Variants in SLC8A3 observed in about 807,000 individuals in gnomAD.
SLC8A3 encodes the protein solute carrier family 8 member A3, also known as sodium/calcium exchanger 3.
In SLC8A3, 37 loss-of-function variants were observed where a neutral mutation model predicts 65.4. The observed-to-expected ratio is 0.57, with a 90% confidence interval of 0.44 to 0.74. SLC8A3 has a LOEUF of 0.74. SLC8A3 is among the 30% of genes least tolerant of loss of function. The pLI, the probability that SLC8A3 is intolerant of heterozygous loss-of-function variation, is 0.00. For missense variants in SLC8A3, 1,112 were observed against 1,172.1 expected (o/e 0.95, Z 0.75); for synonymous variants, 461 against 444.5 (o/e 1.04, Z -0.47).
intron 2 of SLC8A3, among the ~76,000 whole-genome samples, chr14:70,129,488 A>C (rs1421959701): frequency 6.6e-6 from 1 of 152,190 alleles, no homozygotes; most frequent in Non-Finnish European, 1.5e-5. Context: ...TATTTTACAT[A>C]AGAGAAAAAC....
At chr14:70,183,612 A>G (rs1284160467) in intron 1 of SLC8A3, among the ~76,000 whole-genome samples, 2 of 152,240 alleles carry the variant, frequency 1.3e-5, no homozygotes, top group Non-Finnish European at 2.9e-5. Context: ...TTCAAAACAC[A>G]AATGGACAAC....
At chr14:70,186,358 G>A (rs1272154010) in intron 1 of SLC8A3, among the ~76,000 whole-genome samples, 3 of 152,138 alleles carry the variant, frequency 2.0e-5, no homozygotes, top group Non-Finnish European at 4.4e-5. Context: ...TGTGAGAACG[G>A]ACTAATACAG....
chr14:70,115,786 A>G (rs992129239), intron 2 of SLC8A3, among the ~76,000 whole-genome samples: 3 of 152,174 alleles, frequency 2.0e-5, no homozygotes, highest in African/African-American at 7.2e-5. Flanking sequence ...GACCTGGGGC[A>G]AGTTACCAAA....
chr14:70,161,973 A>T (rs1248411588), intron 2 of SLC8A3, among the ~76,000 whole-genome samples: 3 of 152,242 alleles, frequency 2.0e-5, no homozygotes, highest in Non-Finnish European at 4.4e-5. Flanking sequence ...TGCCTAAAAG[A>T]TGTTCCAACT....
At chr14:70,097,464 C>A (rs12878844) in intron 2 of SLC8A3, among the ~76,000 whole-genome samples, 1 of 152,138 alleles carries the variant, frequency 6.6e-6, no homozygotes, top group Non-Finnish European at 1.5e-5. Flanking sequence ...TTCTCAAATC[C>A]GGTTGTCTGG....
intron 2 of SLC8A3, among the ~76,000 whole-genome samples, chr14:70,095,568 C>T (rs932658551): frequency 1.7e-4 from 26 of 152,206 alleles, no homozygotes; most frequent in African/African-American, 4.8e-4. Context: ...TACTCCATTT[C>T]GCTGCCCTTT....
Position 70,168,199 on chromosome 14 carries a change from G to C in SLC8A3, c.224C>G (p.Ala75Gly). The change falls in exon 2 of 7, where the codon GCC becomes GGC. Residue 75 changes from alanine to glycine, a missense_variant. By Grantham distance (60) the Ala-to-Gly change is moderately conservative. Coordinates refer to ENST00000356921, the MANE Select transcript of SLC8A3 (RefSeq NM_182932.3). ...PENPSLGDKIARVIVYFVALI... is the reference protein window; with the variant it reads ...PENPSLGDKIGRVIVYFVALI... The stretch of plus-strand genomic sequence containing the variant: ...GGCCACAAAATAGACAATGACCCTG[G>C]CAATCTTGTCCCCAAGGGAAGGGTT... 2 of 1,614,116 alleles carry C rather than the reference G, an allele frequency of 1.2e-6. No individual in the cohort carries two copies. Among genetic ancestry groups the C allele is most frequent in the Non-Finnish European group, 1.7e-6 (2 of 1,179,996 alleles).
intron 1 of SLC8A3, among the ~76,000 whole-genome samples, chr14:70,172,065 C>A (rs945869946): frequency 3.9e-5 from 6 of 152,166 alleles, no homozygotes; most frequent in African/African-American, 1.4e-4. Flanking sequence ...AGCTCAACCC[C>A]TTAGAGACCC....
At chr14:70,159,148 C>T (rs1292863468) in intron 2 of SLC8A3, among the ~76,000 whole-genome samples, 1 of 152,144 alleles carries the variant, frequency 6.6e-6, no homozygotes, top group African/African-American at 2.4e-5. Context: ...GTGGTTCATA[C>T]CTGTAATCCC....
intron 2 of SLC8A3, among the ~76,000 whole-genome samples, chr14:70,153,459 G>A (rs1896393295): frequency 6.6e-6 from 1 of 152,124 alleles, no homozygotes. Context: ...GGAGGGGGTT[G>A]TGCAAGTCAC....
At chr14:70,105,755 G>A (rs1892827510) in intron 2 of SLC8A3, among the ~76,000 whole-genome samples, 1 of 152,032 alleles carries the variant, frequency 6.6e-6, no homozygotes, top group Non-Finnish European at 1.5e-5. Flanking sequence ...ACCTGACCTT[G>A]CTTTCTTAAA....
chr14:70,045,885 G>A lies in SLC8A3; in HGVS notation c.*62C>T, dbSNP rs1886701314. 1.4e-6 allele frequency: 2 copies of A among 1,449,256 alleles called. No individual in the cohort carries two copies. The highest frequency in any genetic ancestry group is 1.8e-6 in the Non-Finnish European group (2 of 1,084,142). The allele number at this position is 1,449,256 out of a possible 1,614,324, so 89.8% of individuals were successfully genotyped here. ...TGCAGTCGGGAGAGATCACTGGTGG[G>A]GAAGTGCCCTTCTCTTAGGAGAAGT... On this transcript the variant is annotated 3_prime_UTR_variant, in exon 7 of 7. Coordinates refer to ENST00000356921, the MANE Select transcript of SLC8A3 (RefSeq NM_182932.3).
At chr14:70,151,209 G>A (rs1226940123) in intron 2 of SLC8A3, among the ~76,000 whole-genome samples, 5 of 151,322 alleles carry the variant, frequency 3.3e-5, no homozygotes, top group Non-Finnish European at 7.4e-5. Flanking sequence ...AGCCGAGATC[G>A]TGCCACTGCA....
chr14:70,185,366 G>A (rs1237728984), intron 1 of SLC8A3, among the ~76,000 whole-genome samples: 1 of 152,226 alleles, frequency 6.6e-6, no homozygotes, highest in Non-Finnish European at 1.5e-5. Flanking sequence ...GAATCATGCA[G>A]GCTGGGGAAC....
chr14:70,153,248 AG>A (rs1162485932), intron 2 of SLC8A3, among the ~76,000 whole-genome samples: 1 of 150,898 alleles, frequency 6.6e-6, no homozygotes, highest in Admixed American at 6.6e-5. Flanking sequence ...TTCATTCTGC[AG>A]GCATAAATTG....
chr14:70,151,541 G>A (rs12019001), intron 2 of SLC8A3, among the ~76,000 whole-genome samples: 1,967 of 152,288 alleles, frequency 0.013, 42 homozygotes, highest in African/African-American at 0.044. Context: ...CACAGAGGTC[G>A]CTCTTCTATC....
At chr14:70,175,421 T>A (rs933736386) in intron 1 of SLC8A3, among the ~76,000 whole-genome samples, 3 of 152,132 alleles carry the variant, frequency 2.0e-5, no homozygotes, top group Admixed American at 6.5e-5. Context: ...ACTTGGTGTG[T>A]CAAATGCTAA....
chr14:70,186,909 A>G (rs1021845327), intron 1 of SLC8A3, among the ~76,000 whole-genome samples: 1 of 152,210 alleles, frequency 6.6e-6, no homozygotes, highest in African/African-American at 2.4e-5. Flanking sequence ...CAGCAGCTAT[A>G]TTTGAAAATC....
intron 2 of SLC8A3, among the ~76,000 whole-genome samples, chr14:70,080,863 T>G (rs1327669875): frequency 6.6e-6 from 1 of 152,186 alleles, no homozygotes; most frequent in Admixed American, 6.5e-5. Flanking sequence ...ATCATTTCAC[T>G]GGGTCCTCAA....
Sources: gnomAD v4.1 joint callset for allele counts (sites outside exome capture counted in the v4.1 genomes callset) on GRCh38, gnomAD v4.1.1 for gene constraint, MANE v1.5 for transcripts, NCBI Gene and HGNC (gene_info 2026-07-23, HGNC 2026-07-21) for gene names.